AHI1: variants seen among roughly 807,000 people sequenced by gnomAD.
AHI1 encodes jouberin.
Under a neutral mutation model 149.3 loss-of-function variants are expected in AHI1, and 123 were observed. That is an observed-to-expected ratio of 0.82 (90% CI 0.71 to 0.96). The LOEUF (loss-of-function observed/expected upper bound fraction) is 0.96, where lower values mean the gene tolerates loss of function less well. Ranked by LOEUF, AHI1 falls within the 40% of genes least tolerant of loss-of-function variation. The pLI, the probability that AHI1 is intolerant of heterozygous loss-of-function variation, is 0.00. For synonymous variants in AHI1, 475 were observed against 459.8 expected, an observed-to-expected ratio of 1.03 and a Z score of -0.42; for missense variants, 1,439 against 1,422.7, an observed-to-expected ratio of 1.01 and a Z score of -0.18.
At position 135,492,296 on chromosome 6, in the gene AHI1, C is replaced by T. The variant is rs550284550; in HGVS notation, c.-54-5G>A. ...AGCATTGACTCAATCAGGATCCTAT[C>T]GAAACAAAGGAGATGTATTTGTAAT... On this transcript the variant is annotated splice_polypyrimidine_tract_variant and splice_region_variant and intron_variant, in intron 3 of 28. Transcript: ENST00000265602. 6.1e-5 allele frequency: 92 copies of T among 1,499,244 alleles called. No individual in the cohort carries two copies. Among genetic ancestry groups the T allele is most frequent in the South Asian group, 3.9e-4 (28 of 71,194 alleles). 92.9% of individuals were successfully genotyped at this position (1,499,244 alleles called of 1,614,324 possible).
At chr6:135,377,467 T>TTATG (rs1776117048) in intron 23 of AHI1, among the ~76,000 whole-genome samples, 2 of 137,890 alleles carry the variant, frequency 1.5e-5, no homozygotes, top group African/African-American at 6.7e-5. Context: ...TTTGAGTTAT[T>TTATG]TATTTATTTA....
At chr6:135,345,905 C>T (rs1759343784) in intron 24 of AHI1, among the ~76,000 whole-genome samples, 1 of 151,962 alleles carries the variant, frequency 6.6e-6, no homozygotes, top group African/African-American at 2.4e-5. Flanking sequence ...AGAAACAGTG[C>T]AAGAAAAAAT....
chr6:135,494,444 C>A, intron 3 of AHI1, among the ~76,000 whole-genome samples: 1 of 152,210 alleles, frequency 6.6e-6, no homozygotes, highest in East Asian at 1.9e-4. Flanking sequence ...ATCCTTGGAT[C>A]CAAATACCAG....
intron 11 of AHI1, among the ~76,000 whole-genome samples, chr6:135,452,654 A>T (rs537602684): frequency 1.4e-3 from 215 of 152,278 alleles, no homozygotes; most frequent in South Asian, 7.7e-3. Flanking sequence ...TGCTATAATG[A>T]CTGAGAAGAC....
intron 22 of AHI1, 61 bp from the exon 23 acceptor site, chr6:135,394,957 C>T: frequency 1.3e-6 from 2 of 1,523,158 alleles, no homozygotes; most frequent in Non-Finnish European, 1.8e-6. Flanking sequence ...AATGCAAAAA[C>T]TGGATGAGAA....
Position 135,463,144 on chromosome 6 carries a change from T to C in AHI1, c.912A>G (p.Thr304=). ...QDDTKPKPKK[T]KKKTKAVADN... ...GCAAACCTGCTTTAGTCTTCTTTTT[T>C]GTTTTTTTTGGTTTAGGTTTTGTAT... The change falls in exon 8 of 29, where the codon ACA becomes ACG. Residue 304 remains threonine (T), a synonymous_variant. Transcript: ENST00000265602. The C allele has an allele frequency of 6.3e-7, 1 of 1,585,116 alleles. No homozygotes were observed. Among genetic ancestry groups the C allele is most frequent in the Non-Finnish European group, 8.6e-7 (1 of 1,168,196 alleles).
intron 22 of AHI1, among the ~76,000 whole-genome samples, chr6:135,399,624 G>A (rs1779736841): frequency 6.6e-6 from 1 of 151,682 alleles, no homozygotes; most frequent in Non-Finnish European, 1.5e-5. Context: ...AATTACACTG[G>A]GCAGAAACAT....
chr6:135,354,873 C>T (rs747103386), intron 24 of AHI1, among the ~76,000 whole-genome samples: 15 of 152,038 alleles, frequency 9.9e-5, no homozygotes, highest in Non-Finnish European at 1.9e-4. Context: ...CAAATCTGAC[C>T]TAGGACATTA....
chr6:135,437,123 A>C (rs1785531370), intron 15 of AHI1, among the ~76,000 whole-genome samples: 1 of 152,214 alleles, frequency 6.6e-6, no homozygotes, highest in African/African-American at 2.4e-5. Flanking sequence ...GAAATATACG[A>C]AGATCATGTC....
At chr6:135,470,747 T>G (rs1358069038) in intron 5 of AHI1, among the ~76,000 whole-genome samples, 3 of 151,116 alleles carry the variant, frequency 2.0e-5, no homozygotes, top group South Asian at 4.2e-4. Flanking sequence ...CGAGAACACA[T>G]GGACACAGGG....
chr6:135,475,803 T>C (rs1291040495), intron 5 of AHI1, among the ~76,000 whole-genome samples: 3 of 152,204 alleles, frequency 2.0e-5, no homozygotes, highest in African/African-American at 4.8e-5. Flanking sequence ...ATCTGTATCC[T>C]TTTACAGTAA....
At chr6:135,445,156 GC>G (rs1228945546) in intron 13 of AHI1, among the ~76,000 whole-genome samples, 1 of 152,130 alleles carries the variant, frequency 6.6e-6, no homozygotes, top group African/African-American at 2.4e-5. Context: ...TGTAAAATCA[GC>G]CTCAAAAAGA....
chr6:135,401,419 AAAC>A (rs1316571282), intron 22 of AHI1, among the ~76,000 whole-genome samples: 1 of 152,232 alleles, frequency 6.6e-6, no homozygotes, highest in Non-Finnish European at 1.5e-5. Flanking sequence ...CTAATGGAAA[AAAC>A]AAGCGAGCCT....
At position 135,411,290 on chromosome 6, in the gene AHI1, G is replaced by A. The variant is rs906370536; in HGVS notation, c.2961+58C>T. On this transcript the variant is annotated intron_variant, in intron 21 of 28. Transcript: ENST00000265602. ...CATTAAATGAATATTTATTGGCATG[G>A]CAATGTAAAACAGGATAGAAATAGT... The A allele has an allele frequency of 1.1e-4, 159 of 1,439,762 alleles. 1 individual carries two copies. The East Asian group carries it at 1.4e-3, about 13-fold the overall frequency. The allele number at this position is 1,439,762 out of a possible 1,614,324, so 89.2% of individuals were successfully genotyped here. A position where few individuals can be genotyped will look rare whatever the true frequency, so the allele number is the denominator to read the frequency against.
intron 26 of AHI1, chr6:135,301,341 G>A (rs1468561737): frequency 1.0e-6 from 1 of 967,212 alleles, no homozygotes. Flanking sequence ...TATACCATAT[G>A]TTCCTAATTA....
intron 24 of AHI1, among the ~76,000 whole-genome samples, chr6:135,326,247 T>G (rs896915246): frequency 6.6e-6 from 1 of 152,122 alleles, no homozygotes; most frequent in Non-Finnish European, 1.5e-5. Context: ...TCATGTTAAA[T>G]GAAATCATAG....
intron 24 of AHI1, among the ~76,000 whole-genome samples, chr6:135,349,164 G>A (rs1582741723): frequency 6.6e-6 from 1 of 152,194 alleles, no homozygotes; most frequent in African/African-American, 2.4e-5. Context: ...TAAAAAAAAT[G>A]TTTTTAAGAG....
intron 14 of AHI1, among the ~76,000 whole-genome samples, chr6:135,441,183 C>A (rs942320911): frequency 6.7e-6 from 1 of 150,120 alleles, no homozygotes; most frequent in African/African-American, 2.4e-5. Context: ...TTGAAAAGTA[C>A]AATAACTGAA....
At chr6:135,491,035 G>A (rs1242064875) in intron 4 of AHI1, among the ~76,000 whole-genome samples, 4 of 152,062 alleles carry the variant, frequency 2.6e-5, no homozygotes, top group Non-Finnish European at 5.9e-5. Flanking sequence ...TGTTAGTTAC[G>A]TGTTATGTGG....
Sources: allele counts gnomAD v4.1 joint callset (sites outside exome capture counted in the v4.1 genomes callset), GRCh38; gene constraint gnomAD v4.1.1; transcripts MANE v1.5; gene names NCBI Gene and HGNC (gene_info 2026-07-23, HGNC 2026-07-21).